The following GALNT14 variants were observed in gnomAD, a reference collection of about 807,000 sequenced individuals.
GALNT14 encodes polypeptide N-acetylgalactosaminyltransferase 14, also known as UDP-GalNAc:polypeptide N-acetylgalactosaminyltransferase 14.
A neutral mutation model predicts 77.5 loss-of-function variants in GALNT14; 60 were observed. The ratio of observed to expected loss-of-function variants is 0.77; its 90% CI spans 0.63 to 0.96. The LOEUF is 0.96. Among genes scored for constraint, GALNT14 ranks in the 40% least tolerant of loss-of-function variants. The pLI is 0.00. For synonymous variants in GALNT14, 280 were observed against 281.7 expected (o/e 0.99, Z 0.06); for missense variants, 710 against 731.0 (o/e 0.97, Z 0.33).
At chr2:31,115,912 T>C (rs529829929) in intron 1 of GALNT14, among the ~76,000 whole-genome samples, 1 of 152,292 alleles carries the variant, frequency 6.6e-6, no homozygotes, top group South Asian at 2.1e-4. Context: ...TCCTAGCTAC[T>C]TGAGAAACTG....
At chr2:31,121,645 C>T (rs569847843) in intron 1 of GALNT14, among the ~76,000 whole-genome samples, 73 of 152,216 alleles carry the variant, frequency 4.8e-4, no homozygotes, top group African/African-American at 1.7e-3. Context: ...TTAGGAAGAC[C>T]TCGCTGCCCA....
chr2:31,010,782 A>G (rs979227516), intron 1 of GALNT14, among the ~76,000 whole-genome samples: 1 of 152,076 alleles, frequency 6.6e-6, no homozygotes, highest in South Asian at 2.1e-4. Flanking sequence ...TTAGCTCATT[A>G]TGTTCCAGCC....
chr2:30,983,465 T>C (rs1303656088), intron 2 of GALNT14, among the ~76,000 whole-genome samples: 13 of 152,170 alleles, frequency 8.5e-5, no homozygotes, highest in Admixed American at 8.5e-4. Context: ...CCACATCTCT[T>C]TCCCCTGCCT....
At chr2:31,070,333 G>T (rs1675278724) in intron 1 of GALNT14, among the ~76,000 whole-genome samples, 1 of 152,218 alleles carries the variant, frequency 6.6e-6, no homozygotes, top group Admixed American at 6.5e-5. Flanking sequence ...AGGTCCCATT[G>T]TTCCTCTGGA....
intron 4 of GALNT14, 81 bp downstream of exon 4, chr2:30,958,316 C>G: frequency 4.0e-6 from 5 of 1,236,384 alleles, no homozygotes; most frequent in Non-Finnish European, 5.9e-6. Context: ...CCCAGAAAAC[C>G]AGTGGACTCA....
chr2:30,899,249 G>C, the GALNT14 span, among the ~76,000 whole-genome samples: 1 of 152,198 alleles, frequency 6.6e-6, no homozygotes, highest in African/African-American at 2.4e-5. Context: ...TGTTGAAGCT[G>C]CTTTGTCTTC....
intron 1 of GALNT14, among the ~76,000 whole-genome samples, chr2:31,118,321 A>C (rs987840837): frequency 6.6e-6 from 1 of 152,236 alleles, no homozygotes; most frequent in Non-Finnish European, 1.5e-5. Context: ...AGTACCAAAA[A>C]AAACTATAAA....
rs143143842 is a variant in GALNT14 at position 30,944,883 on chromosome 2, G to A, written c.802C>T (p.Arg268Cys). The change falls in exon 8 of 15, where the codon CGC becomes TGC. Residue 268 changes from arginine (R) to cysteine (C), a missense_variant. Physicochemically the swap from Arg to Cys is radical, Grantham distance 180. Coordinates refer to ENST00000349752, the MANE Select transcript of GALNT14 (RefSeq NM_024572.4). ...CTGATGGGCTCCGTGGGGTCCAGGC[G>A]CCGAGCCTTCTGCTCTGGGGAGAGC... ...EQLSPEQKAR[R>C]LDPTEPIRTP... 83 of 1,610,044 alleles carry A rather than the reference G, an allele frequency of 5.2e-5. 1 individual carries two copies. The highest frequency in any genetic ancestry group is 1.3e-4 in the Admixed American group (8 of 59,868).
In GALNT14 at chr2:30,918,632, G is replaced by A. The variant is rs182269340; in HGVS notation, c.1380+5487C>T. Among the ~76,000 whole-genome samples the A allele has an allele frequency of 3.5e-4, 53 of 149,968 alleles. No homozygotes were observed. In the East Asian group the frequency reaches 9.7e-3, roughly 27 times the overall value. On this transcript the variant is annotated intron_variant, in intron 13 of 14. Transcript: ENST00000349752. Reference sequence around the variant, plus strand: ...GGAAGGAAGGGTGGCATCGGGCAGGGAGGGTGGCATTGGGCAGGGAGGATG... The same window carrying A: ...GGAAGGAAGGGTGGCATCGGGCAGGAAGGGTGGCATTGGGCAGGGAGGATG...
At chr2:30,945,072 T>C (rs1666607060) in intron 7 of GALNT14, 130 bp from the exon 8 acceptor site, 3 of 677,750 alleles carry the variant, frequency 4.4e-6, no homozygotes. Flanking sequence ...GTCCCTGGGA[T>C]TGCAGGTTTC....
At chr2:30,961,689 T>C (rs2148331977) in intron 3 of GALNT14, among the ~76,000 whole-genome samples, 1 of 152,062 alleles carries the variant, frequency 6.6e-6, no homozygotes, top group East Asian at 1.9e-4. Flanking sequence ...ACTTTCTTTT[T>C]TTTTTTTTTG....
At chr2:31,010,382 G>A (rs71444477) in intron 1 of GALNT14, among the ~76,000 whole-genome samples, 38,858 of 152,020 alleles carry the variant, frequency 0.26, 5,088 homozygotes, top group East Asian at 0.39. Flanking sequence ...GGCAGATCAC[G>A]AGGTCAGGAG....
intron 1 of GALNT14, among the ~76,000 whole-genome samples, chr2:31,088,949 CAAG>C (rs1334314318): frequency 6.6e-6 from 1 of 152,102 alleles, no homozygotes; most frequent in Non-Finnish European, 1.5e-5. Context: ...GATGCAGATA[CAAG>C]AAGGTTTAAA....
chr2:30,910,067 G>C (rs113985318), downstream of GALNT14, among the ~76,000 whole-genome samples: 1 of 116,352 alleles, frequency 8.6e-6, no homozygotes, highest in Non-Finnish European at 1.7e-5. Context: ...TTGAGGGGTG[G>C]GGGGAGGGGG....
At chr2:30,902,703 A>C in the GALNT14 span, among the ~76,000 whole-genome samples, 32 of 152,322 alleles carry the variant, frequency 2.1e-4, no homozygotes, top group African/African-American at 7.5e-4. Flanking sequence ...TTTTTCAATC[A>C]TCCATTTAGG....
At position 30,938,308 on chromosome 2, in the gene GALNT14, T is replaced by TACAA. The variant is rs1666176275; in HGVS notation, c.931+3892_931+3893insTTGT. 2.8e-5 allele frequency among the ~76,000 whole-genome samples: 4 copies of TACAA among 142,814 alleles called. No homozygotes were observed. The South Asian group carries it at 9.1e-4, about 32-fold the overall frequency. 93.7% of individuals were successfully genotyped at this position (142,814 alleles called of 152,430 possible). The stretch of plus-strand genomic sequence containing the variant: ...CATACCTACACACACACATACACCC[T>TACAA]ACACACACACACACACACACAGACT... On this transcript the variant is annotated intron_variant, in intron 9 of 14. Transcript: ENST00000349752.
At chr2:30,937,629 G>T (rs972068411) in intron 9 of GALNT14, among the ~76,000 whole-genome samples, 13 of 152,148 alleles carry the variant, frequency 8.5e-5, no homozygotes, top group African/African-American at 3.1e-4. Flanking sequence ...GGTTTCATCT[G>T]CTACTTCTCT....
chr2:30,893,134 T>C, the GALNT14 span, among the ~76,000 whole-genome samples: 1 of 152,248 alleles, frequency 6.6e-6, no homozygotes, highest in African/African-American at 2.4e-5. Flanking sequence ...TACATGGTTT[T>C]ATGTTTCAGA....
intron 10 of GALNT14, among the ~76,000 whole-genome samples, chr2:30,931,071 G>C (rs1665699796): frequency 1.3e-5 from 2 of 152,208 alleles, no homozygotes; most frequent in African/African-American, 4.8e-5. Flanking sequence ...TAAAACCTGA[G>C]AGCTGAGGCA....
Sources: gnomAD v4.1 joint callset for allele counts (sites outside exome capture counted in the v4.1 genomes callset) on GRCh38, gnomAD v4.1.1 for gene constraint, MANE v1.5 for transcripts, NCBI Gene and HGNC (gene_info 2026-07-23, HGNC 2026-07-21) for gene names.